Variants in ZER1 observed in about 807,000 individuals in gnomAD.
ZER1 encodes the protein zyg-11 related cell cycle regulator.
In ZER1, 11 loss-of-function variants were observed where a neutral mutation model predicts 78.8. That is an observed-to-expected ratio of 0.14 (90% CI 0.09 to 0.23). The LOEUF is 0.23. ZER1 is among the 10% of genes least tolerant of loss of function. The probability of loss-of-function intolerance (pLI) is 1.00; values close to 1 mark genes in which losing one functional copy is unlikely to be tolerated. For missense variants in ZER1, 588 were observed against 996.9 expected, an observed-to-expected ratio of 0.59 and a Z score of 5.52; for synonymous variants, 400 against 407.0, an observed-to-expected ratio of 0.98 and a Z score of 0.21.
chr9:128,770,729 A>G (rs1864357472), intron 1 of ZER1, among the ~76,000 whole-genome samples: 1 of 152,204 alleles, frequency 6.6e-6, no homozygotes. Flanking sequence ...TTCTGCTCTA[A>G]GTATAGCCTC....
Position 128,753,202 on chromosome 9 carries a change from G to A in ZER1, c.708C>T (p.Asp236=), listed in dbSNP as rs561702210. 2.1e-5 allele frequency: 33 copies of A among 1,571,282 alleles called. No individual in the cohort carries two copies. The highest frequency in any genetic ancestry group is 4.6e-5 in the South Asian group (4 of 86,050). The change falls in exon 4 of 16, where the codon GAC becomes GAT. Residue 236 remains aspartate, a synonymous_variant. Transcript: ENST00000291900. This position sits in a 1 kb window ranked among gnomAD's most constrained non-coding sequence, Gnocchi z 7.5. ...SLVLYNMDLS[D]DHIRVIVQLH... is the part of the protein sequence containing the mutation. ...GCTGCACGATGACCCGGATGTGGTC[G>A]TCGGACAGGTCCATGTTGTAGAGGA...
chr9:128,756,069 A>G (rs1249673096), intron 1 of ZER1, among the ~76,000 whole-genome samples: 1 of 152,226 alleles, frequency 6.6e-6, no homozygotes, highest in Non-Finnish European at 1.5e-5. Flanking sequence ...TAATAGACAT[A>G]TAGACATGAT....
intron 4 of ZER1, 85 bp from the exon 5 acceptor site, chr9:128,752,934 C>T: frequency 6.7e-7 from 1 of 1,494,016 alleles, no homozygotes; most frequent in Non-Finnish European, 9.0e-7. Context: ...TAGTCTGTAG[C>T]AGGGGAGGGC....
rs975767441 is a variant in ZER1 at position 128,754,822 on chromosome 9, C to G, written c.158+586G>C. 6.6e-6 allele frequency among the ~76,000 whole-genome samples: 1 copy of G among 152,128 alleles called. No homozygotes were observed. The highest frequency in any genetic ancestry group is 1.5e-5 in the Non-Finnish European group (1 of 68,018). Reference sequence around the variant, plus strand: ...TACACGTGTGAGCCACCATGCCTGGCCACCATCTGGGCCTGTAGATTGAAC... The same window carrying G: ...TACACGTGTGAGCCACCATGCCTGGGCACCATCTGGGCCTGTAGATTGAAC... On this transcript the variant is annotated intron_variant, in intron 2 of 15. Transcript: ENST00000291900. The surrounding 1 kb of genome is among the most constrained non-coding windows in gnomAD (Gnocchi z 4.3).
intron 15 of ZER1, 43 bp from the exon 16 acceptor site, chr9:128,731,437 T>TGGGGGGGGGGGGGGGGG: frequency 4.4e-6 from 2 of 451,614 alleles, no homozygotes; most frequent in Non-Finnish European, 4.3e-6. Flanking sequence ...TGGGCTTGGG[T>TGGGGGGGGGGGGGGGGG]GGGGGTGAGC....
rs556613644 is a variant in ZER1 at position 128,740,473 on chromosome 9, G to A, written c.1853+299C>T. Reference sequence around the variant, plus strand: ...CAGGCGCCTGTAGTCTCAGCTACTCGGGAGGCTGAGGCAGGAGAATGGCGT... The same window carrying A: ...CAGGCGCCTGTAGTCTCAGCTACTCAGGAGGCTGAGGCAGGAGAATGGCGT... On this transcript the variant is annotated intron_variant, in intron 12 of 15. Transcript: ENST00000291900. This position sits in a 1 kb window ranked among gnomAD's most constrained non-coding sequence, Gnocchi z 4.4. 6.6e-6 allele frequency among the ~76,000 whole-genome samples: 1 copy of A among 151,972 alleles called. No individual in the cohort carries two copies. Among genetic ancestry groups the A allele is most frequent in the South Asian group, 2.1e-4 (1 of 4,806 alleles).
chr9:128,735,298 G>T, intron 14 of ZER1, 36 bp downstream of exon 14: 1 of 1,574,866 alleles, frequency 6.3e-7, no homozygotes, highest in Non-Finnish European at 8.7e-7. Flanking sequence ...CTTTCAGCTG[G>T]ATGAGTGTCT....
chr9:128,752,655 T>G lies in ZER1; in HGVS notation c.923+18A>C, dbSNP rs765941535. The stretch of plus-strand genomic sequence containing the variant: ...TTGAATGACACCCTACCAGTAGCCA[T>G]GGAGGCTGGGGCCCCACCTGGTCTG... On this transcript the variant is annotated intron_variant, in intron 5 of 15. Coordinates refer to ENST00000291900, the MANE Select transcript of ZER1 (RefSeq NM_006336.4). 1 of 1,603,312 alleles carries G rather than the reference T, an allele frequency of 6.2e-7. No homozygotes were observed. The highest frequency in any genetic ancestry group is 8.5e-7 in the Non-Finnish European group (1 of 1,174,856).
At chr9:128,764,683 C>T (rs924924120) in intron 1 of ZER1, among the ~76,000 whole-genome samples, 2 of 152,186 alleles carry the variant, frequency 1.3e-5, no homozygotes, top group African/African-American at 2.4e-5. Context: ...CATCCAGCTG[C>T]GGGCCTGGCA....
intron 14 of ZER1, 86 bp downstream of exon 14, chr9:128,735,248 G>T: frequency 8.2e-7 from 1 of 1,223,272 alleles, no homozygotes. Context: ...AGCAATTAAT[G>T]CCCCCCTCCT....
At chr9:128,765,123 A>T (rs1263053406) in intron 1 of ZER1, among the ~76,000 whole-genome samples, 1 of 152,086 alleles carries the variant, frequency 6.6e-6, no homozygotes, top group Non-Finnish European at 1.5e-5. Context: ...TTTACATAAC[A>T]ATTTGTCAAC....
intron 8 of ZER1, 126 bp downstream of exon 8, chr9:128,750,490 T>A: frequency 9.0e-7 from 1 of 1,109,048 alleles, no homozygotes; most frequent in Non-Finnish European, 1.3e-6. Flanking sequence ...AGTCAGGGAG[T>A]GCTGCTGTGG....
At chr9:128,763,337 A>C (rs917689991) in intron 1 of ZER1, among the ~76,000 whole-genome samples, 2 of 152,098 alleles carry the variant, frequency 1.3e-5, no homozygotes, top group Admixed American at 1.3e-4. Context: ...GTCCCCCCAC[A>C]GGCCCGATCT....
Position 128,753,198 on chromosome 9 carries a change from G to T in ZER1, c.712C>A (p.His238Asn). ...VLYNMDLSDDHIRVIVQLHKL... is the reference protein window; with the variant it reads ...VLYNMDLSDDNIRVIVQLHKL... Reference sequence around the variant, plus strand: ...TGCAGCTGCACGATGACCCGGATGTGGTCGTCGGACAGGTCCATGTTGTAG... The same window carrying T: ...TGCAGCTGCACGATGACCCGGATGTTGTCGTCGGACAGGTCCATGTTGTAG... The change falls in exon 4 of 16, where the codon CAC becomes AAC. Residue 238 changes from histidine to asparagine, a missense_variant. Physicochemically the swap from His to Asn is moderately conservative, Grantham distance 68. Coordinates refer to ENST00000291900, the MANE Select transcript of ZER1 (RefSeq NM_006336.4). The surrounding 1 kb of genome is among the most constrained non-coding windows in gnomAD (Gnocchi z 7.5). The T allele has an allele frequency of 6.4e-7, 1 of 1,567,946 alleles. No homozygotes were observed. The highest frequency in any genetic ancestry group is 8.6e-7 in the Non-Finnish European group (1 of 1,156,280).
intron 14 of ZER1, 55 bp from the exon 15 acceptor site, chr9:128,733,583 A>G: frequency 6.6e-7 from 1 of 1,524,910 alleles, no homozygotes; most frequent in East Asian, 2.3e-5. Context: ...TATCAGCCCG[A>G]GGCCCAGAAA....
rs146663918 is a variant in ZER1, at chr9:128,737,862, C to A, written c.2042+2069G>T. ...GGATTACAGGTGCCCACCACCATGC[C>A]TGGCTAATTTTTGTATTTTTAGCAG... On this transcript the variant is annotated intron_variant, in intron 13 of 15. Transcript: ENST00000291900. Among the ~76,000 whole-genome samples the A allele has an allele frequency of 7.1e-3, 1,081 of 151,764 alleles. 15 individuals carry two copies. The highest frequency in any genetic ancestry group is 0.02 in the African/African-American group (842 of 41,348).
intron 1 of ZER1, among the ~76,000 whole-genome samples, chr9:128,767,859 G>A (rs1320912949): frequency 1.3e-5 from 2 of 152,170 alleles, no homozygotes; most frequent in Non-Finnish European, 2.9e-5. Context: ...GGGACCCTAT[G>A]TGATTTCTGG....
rs1402989196 is a variant in ZER1, at chr9:128,755,342, G to T, written c.158+66C>A. ...CTACTCCCCACATAGTGCACACACG[G>T]TCCCAATCTCTCTATACACATTCAT... On this transcript the variant is annotated intron_variant, in intron 2 of 15. Transcript: ENST00000291900. This position sits in a 1 kb window ranked among gnomAD's most constrained non-coding sequence, Gnocchi z 5.6. 6.3e-7 allele frequency: 1 copy of T among 1,592,122 alleles called. No homozygotes were observed. The highest frequency in any genetic ancestry group is 1.7e-5 in the Admixed American group (1 of 59,558).
intron 14 of ZER1, among the ~76,000 whole-genome samples, chr9:128,734,260 G>A (rs1299759525): frequency 7.2e-6 from 1 of 139,518 alleles, no homozygotes; most frequent in African/African-American, 2.6e-5. Context: ...GCAGTGGCAC[G>A]ATCTGAGCTC....
Sources: gnomAD v4.1 joint callset for allele counts (sites outside exome capture counted in the v4.1 genomes callset) on GRCh38, gnomAD v4.1.1 for gene constraint, Gnocchi (gnomAD v3.1) non-coding constraint, MANE v1.5 for transcripts, NCBI Gene and HGNC (gene_info 2026-07-23, HGNC 2026-07-21) for gene names.